Variants in MARCHF11 observed in about 807,000 individuals in gnomAD.
MARCHF11 encodes membrane associated ring-CH-type finger 11.
In MARCHF11, 29 loss-of-function variants were observed where a neutral mutation model predicts 37.3. The observed-to-expected ratio is 0.78, with a 90% CI of 0.58 to 1.06. The LOEUF (loss-of-function observed/expected upper bound fraction) is 1.06. Among genes scored for constraint, MARCHF11 ranks in the 50% least tolerant of loss-of-function variants. MARCHF11 has a pLI of 0.00. For missense variants in MARCHF11, 482 were observed against 533.4 expected (o/e 0.90, Z 0.95); for synonymous variants, 233 against 228.0 (o/e 1.02, Z -0.20).
At chr5:16,131,702 C>T (rs2126584624) in intron 2 of MARCHF11, among the ~76,000 whole-genome samples, 1 of 152,264 alleles carries the variant, frequency 6.6e-6, no homozygotes, top group Non-Finnish European at 1.5e-5. Flanking sequence ...TTGGTGGTCT[C>T]CCAGATCCAT....
At chr5:16,153,974 G>C (rs1236520129) in intron 2 of MARCHF11, among the ~76,000 whole-genome samples, 1 of 151,930 alleles carries the variant, frequency 6.6e-6, no homozygotes, top group Non-Finnish European at 1.5e-5. Context: ...ATCTTGGGCA[G>C]ACAGATAAAC....
intron 3 of MARCHF11, among the ~76,000 whole-genome samples, chr5:16,072,742 T>A (rs1378267542): frequency 6.6e-6 from 1 of 152,098 alleles, no homozygotes; most frequent in African/African-American, 2.4e-5. Context: ...TGTGGTTTCA[T>A]CAGGGGCTTG....
intron 2 of MARCHF11, among the ~76,000 whole-genome samples, chr5:16,155,607 G>T (rs968173105): frequency 1.3e-4 from 19 of 151,818 alleles, no homozygotes; most frequent in African/African-American, 4.4e-4. Flanking sequence ...TTCCTAAACT[G>T]ATTTAAACTT....
rs143589129 is a variant in MARCHF11 at position 16,135,695 on chromosome 5, T to C, written c.693+42031A>G. Among the ~76,000 whole-genome samples the C allele has an allele frequency of 4.9e-3, 744 of 152,140 alleles. 7 individuals carry two copies. Among genetic ancestry groups the C allele is most frequent in the African/African-American group, 0.017 (701 of 41,520 alleles). ...AATGCCAGATGGTCTCCAGGCCTAC[T>C]GAGAAAATACCAAAAAGTATGAGTA... On this transcript the variant is annotated intron_variant, in intron 2 of 3. Transcript: ENST00000332432.
At chr5:16,119,535 C>T (rs1464864655) in intron 2 of MARCHF11, among the ~76,000 whole-genome samples, 1 of 152,022 alleles carries the variant, frequency 6.6e-6, no homozygotes, top group Admixed American at 6.5e-5. Flanking sequence ...GGAGAGACAT[C>T]ACCCAGGGAC....
intron 2 of MARCHF11, among the ~76,000 whole-genome samples, chr5:16,152,255 A>C (rs958691162): frequency 3.9e-5 from 6 of 151,988 alleles, no homozygotes; most frequent in Admixed American, 3.9e-4. Flanking sequence ...CTACCTGCTC[A>C]TCCATCTGTC....
At chr5:16,169,860 A>G (rs906696489) in intron 2 of MARCHF11, among the ~76,000 whole-genome samples, 3 of 152,104 alleles carry the variant, frequency 2.0e-5, no homozygotes, top group African/African-American at 7.2e-5. Flanking sequence ...TTTTGCCCTC[A>G]GAGTCATCCC....
chr5:16,078,790 C>G (rs1736560724), intron 3 of MARCHF11, among the ~76,000 whole-genome samples: 1 of 152,164 alleles, frequency 6.6e-6, no homozygotes, highest in African/African-American at 2.4e-5. Flanking sequence ...TTTCTGCTTT[C>G]TCTTCCAAGG....
chr5:16,158,359 T>C (rs1738013962), intron 2 of MARCHF11, among the ~76,000 whole-genome samples: 1 of 151,976 alleles, frequency 6.6e-6, no homozygotes, highest in Non-Finnish European at 1.5e-5. Context: ...CAGCCAAATA[T>C]AGAATCAACC....
At chr5:16,110,879 G>A (rs1374908110) in intron 2 of MARCHF11, among the ~76,000 whole-genome samples, 1 of 152,162 alleles carries the variant, frequency 6.6e-6, no homozygotes, top group Non-Finnish European at 1.5e-5. Flanking sequence ...TGTGTTGTGG[G>A]AGGGACCAGG....
At chr5:16,137,002 T>TA (rs1486775909) in intron 2 of MARCHF11, among the ~76,000 whole-genome samples, 3 of 152,032 alleles carry the variant, frequency 2.0e-5, no homozygotes, top group Non-Finnish European at 4.4e-5. Context: ...ATAAAAAATA[T>TA]AAAATCAAAT....
chr5:16,173,451 T>G (rs1185324342), intron 2 of MARCHF11, among the ~76,000 whole-genome samples: 1 of 152,138 alleles, frequency 6.6e-6, no homozygotes, highest in East Asian at 1.9e-4. Flanking sequence ...CAATTATGAG[T>G]AGACTCCAAT....
intron 2 of MARCHF11, among the ~76,000 whole-genome samples, chr5:16,151,649 A>ATATGTGTGTG (rs1491435333): frequency 3.0e-5 from 4 of 131,410 alleles, no homozygotes; most frequent in Non-Finnish European, 4.8e-5. Flanking sequence ...CGTGAGTTGA[A>ATATGTGTGTG]TGTGTGTGTG....
chr5:16,169,299 G>A (rs970441707), intron 2 of MARCHF11, among the ~76,000 whole-genome samples: 1 of 151,072 alleles, frequency 6.6e-6, no homozygotes, highest in Non-Finnish European at 1.5e-5. Context: ...CCCAAATTAA[G>A]CACTTGGCCA....
At chr5:16,086,870 A>C (rs756607309) in intron 3 of MARCHF11, among the ~76,000 whole-genome samples, 1 of 152,198 alleles carries the variant, frequency 6.6e-6, no homozygotes, top group Non-Finnish European at 1.5e-5. Context: ...ATTTTTTCTC[A>C]AAGTGTCCAG....
rs1424575522 is a variant in MARCHF11 at position 16,122,230 on chromosome 5, T to C, written c.694-31149A>G. 2.6e-5 allele frequency among the ~76,000 whole-genome samples: 4 copies of C among 152,244 alleles called. No individual in the cohort carries two copies. In the East Asian group the frequency reaches 7.7e-4, roughly 29 times the overall value. On this transcript the variant is annotated intron_variant, in intron 2 of 3. Transcript: ENST00000332432. The stretch of plus-strand genomic sequence containing the variant: ...GGCCTTGGTCCCTAAGCATCACACT[T>C]TCCCAGGGAAAGCATGCACACGTAT...
chr5:16,167,385 T>C (rs1422070287), intron 2 of MARCHF11, among the ~76,000 whole-genome samples: 1 of 152,038 alleles, frequency 6.6e-6, no homozygotes, highest in Non-Finnish European at 1.5e-5. Context: ...CCCAGAAAGA[T>C]CCAGTGTTTC....
intron 2 of MARCHF11, among the ~76,000 whole-genome samples, chr5:16,092,028 G>T (rs1736797630): frequency 6.6e-6 from 1 of 152,176 alleles, no homozygotes; most frequent in Non-Finnish European, 1.5e-5. Flanking sequence ...CTTCTCAGAA[G>T]AATTCTTAAA....
At chr5:16,135,204 G>A (rs1239908887) in intron 2 of MARCHF11, among the ~76,000 whole-genome samples, 47 of 152,142 alleles carry the variant, frequency 3.1e-4, no homozygotes, top group Admixed American at 3.0e-3. Flanking sequence ...TAAGTGCTGA[G>A]GTGAACAGAA....
Sources: allele counts gnomAD v4.1 joint callset (sites outside exome capture counted in the v4.1 genomes callset), GRCh38; gene constraint gnomAD v4.1.1; transcripts MANE v1.5; gene names NCBI Gene and HGNC (gene_info 2026-07-23, HGNC 2026-07-21).